NFIA: variants seen among roughly 807,000 people sequenced by gnomAD.
NFIA encodes nuclear factor 1 A-type.
In NFIA, 8 loss-of-function variants were observed where a neutral mutation model predicts 62.8. That is an observed-to-expected ratio of 0.13 (90% CI 0.07 to 0.23). NFIA has a LOEUF of 0.23. NFIA is among the 10% of genes least tolerant of loss of function. The pLI is 1.00. For missense variants in NFIA, 410 were observed against 642.1 expected (o/e 0.64, Z 3.91); for synonymous variants, 235 against 238.1 (o/e 0.99, Z 0.12).
At chr1:61,427,707 G>C (rs111880517) in intron 10 of NFIA, among the ~76,000 whole-genome samples, 1 of 152,182 alleles carries the variant, frequency 6.6e-6, no homozygotes, top group Non-Finnish European at 1.5e-5. Context: ...AGAAAGTACA[G>C]CATCAGCAGA....
At position 61,207,091 on chromosome 1, in the gene NFIA, C is replaced by T. The variant is rs114018173; in HGVS notation, c.560-70429C>T. Among the ~76,000 whole-genome samples the T allele has an allele frequency of 4.6e-3, 696 of 152,248 alleles. 4 individuals are homozygous for T. Among genetic ancestry groups the T allele is most frequent in the African/African-American group, 0.016 (664 of 41,546 alleles). ...ACTTGTGGAGGAGCTGGGGACCCTACATCTGGGAGGGAATGGTTCTGCTGA... is the reference window on the plus strand; with the variant it reads ...ACTTGTGGAGGAGCTGGGGACCCTATATCTGGGAGGGAATGGTTCTGCTGA... On this transcript the variant is annotated intron_variant, in intron 2 of 10. Coordinates refer to ENST00000403491, the MANE Select transcript of NFIA (RefSeq NM_001134673.4).
At chr1:61,081,746 C>T (rs1349802012), upstream of NFIA, 1 of 898,150 alleles carries the variant, frequency 1.1e-6, no homozygotes, top group African/African-American at 1.7e-5. Flanking sequence ...ACTGATTCCT[C>T]ACCACCCCCG....
At chr1:61,246,669 A>G (rs1655668698) in intron 2 of NFIA, among the ~76,000 whole-genome samples, 1 of 152,154 alleles carries the variant, frequency 6.6e-6, no homozygotes. Flanking sequence ...CAAAGGTGGG[A>G]TGACTGATTT....
At position 61,456,638 on chromosome 1, in the gene NFIA, A is replaced by G. The variant is rs763130818; in HGVS notation, c.*1318A>G. The G allele has an allele frequency of 4.0e-5, 6 of 150,748 alleles. No homozygotes were observed. Among genetic ancestry groups the G allele is most frequent in the Non-Finnish European group, 8.9e-5 (6 of 67,764 alleles). 9.3% of individuals were successfully genotyped at this position (150,748 alleles called of 1,614,324 possible). On this transcript the variant is annotated 3_prime_UTR_variant, in exon 11 of 11. Coordinates refer to ENST00000403491, the MANE Select transcript of NFIA (RefSeq NM_001134673.4). ...GTCCAGAAGTTTTAAAGACCTTTGC[A>G]TCCCTGAACTGGGCTATGGGAAATA... is the stretch of plus-strand genomic sequence containing the variant.
intron 2 of NFIA, among the ~76,000 whole-genome samples, chr1:61,145,122 A>G (rs1465145809): frequency 1.3e-5 from 2 of 152,186 alleles, no homozygotes; most frequent in African/African-American, 2.4e-5. Context: ...TGCTTGTGGC[A>G]TTAATAGTAA....
At chr1:61,167,813 A>C (rs960843163) in intron 2 of NFIA, among the ~76,000 whole-genome samples, 9 of 152,160 alleles carry the variant, frequency 5.9e-5, no homozygotes, top group African/African-American at 2.2e-4. Context: ...TCTACCACCA[A>C]GCTTTCAAAG....
At chr1:61,421,622 G>A (rs1454933887) in intron 9 of NFIA, among the ~76,000 whole-genome samples, 1 of 152,172 alleles carries the variant, frequency 6.6e-6, no homozygotes, top group Non-Finnish European at 1.5e-5. Flanking sequence ...CTGCCAAGGT[G>A]CCTCACATTT....
intron 2 of NFIA, among the ~76,000 whole-genome samples, chr1:61,156,698 C>A (rs1239207804): frequency 1.3e-5 from 2 of 152,172 alleles, no homozygotes; most frequent in Non-Finnish European, 2.9e-5. Flanking sequence ...GTTTAAATCC[C>A]TCACTAGTGA....
chr1:61,178,459 C>T (rs1463732391), intron 2 of NFIA, among the ~76,000 whole-genome samples: 10 of 152,118 alleles, frequency 6.6e-5, no homozygotes, highest in East Asian at 1.9e-4. Context: ...AATTCTACCA[C>T]GATATAGGAG....
chr1:61,231,015 A>T (rs909980917), intron 2 of NFIA, among the ~76,000 whole-genome samples: 1 of 152,210 alleles, frequency 6.6e-6, no homozygotes, highest in African/African-American at 2.4e-5. Context: ...GAAGCTTTGT[A>T]TACTTCTGCC....
intron 1 of NFIA, among the ~76,000 whole-genome samples, 182 bp downstream of exon 1, chr1:61,083,000 A>C (rs1160292129): frequency 5.2e-5 from 5 of 96,542 alleles, no homozygotes; most frequent in South Asian, 4.7e-4. Context: ...GGGGGGGGGG[A>C]TCCCGCTTAA....
At chr1:61,384,998 A>G (rs1414977320) in intron 7 of NFIA, among the ~76,000 whole-genome samples, 8 of 152,158 alleles carry the variant, frequency 5.3e-5, no homozygotes, top group Non-Finnish European at 8.8e-5. Flanking sequence ...TTCTGAGGCC[A>G]AGGCGGGCAG....
chr1:61,355,742 G>A (rs1016358935), intron 5 of NFIA, among the ~76,000 whole-genome samples: 3 of 151,324 alleles, frequency 2.0e-5, no homozygotes, highest in East Asian at 1.9e-4. Flanking sequence ...CACCACACGC[G>A]GCTGATTTAA....
At chr1:61,139,697 C>G (rs188403226) in intron 2 of NFIA, among the ~76,000 whole-genome samples, 160 of 152,182 alleles carry the variant, frequency 1.1e-3, no homozygotes, top group African/African-American at 3.8e-3. Context: ...TGTCTTTCCT[C>G]CTGCCTTCAG....
intron 5 of NFIA, among the ~76,000 whole-genome samples, chr1:61,358,379 C>CTTTTTTTT (rs34853369): frequency 3.6e-3 from 187 of 52,616 alleles, no homozygotes; most frequent in Non-Finnish European, 4.3e-3. Context: ...TTCTTTCTTT[C>CTTTTTTTT]TTTTTTTTTT....
chr1:61,443,441 A>G (rs546799670), intron 10 of NFIA, among the ~76,000 whole-genome samples: 3 of 152,200 alleles, frequency 2.0e-5, no homozygotes, highest in East Asian at 1.9e-4. Context: ...CAGCCATGCA[A>G]TTGCTTCTCT....
chr1:61,128,449 G>A (rs774306566), intron 2 of NFIA, among the ~76,000 whole-genome samples: 2 of 151,902 alleles, frequency 1.3e-5, no homozygotes, highest in Non-Finnish European at 2.9e-5. Flanking sequence ...CATCTCTACC[G>A]AAAAATACAA....
At chr1:61,290,373 T>C (rs548372035) in intron 3 of NFIA, among the ~76,000 whole-genome samples, 1 of 152,312 alleles carries the variant, frequency 6.6e-6, no homozygotes, top group South Asian at 2.1e-4. Context: ...TGCAGTACAA[T>C]AGAAATTTGT....
intron 3 of NFIA, among the ~76,000 whole-genome samples, chr1:61,314,739 A>C (rs1258235221): frequency 6.6e-6 from 1 of 152,164 alleles, no homozygotes; most frequent in Admixed American, 6.5e-5. Flanking sequence ...TCAAGCAGTC[A>C]TCAGTATTTA....
Sources: gnomAD v4.1 joint callset for allele counts (sites outside exome capture counted in the v4.1 genomes callset) on GRCh38, gnomAD v4.1.1 for gene constraint, MANE v1.5 for transcripts, NCBI Gene and HGNC (gene_info 2026-07-23, HGNC 2026-07-21) for gene names.